LARP1B: variants seen among roughly 807,000 people sequenced by gnomAD.
The protein encoded by LARP1B is La ribonucleoprotein 1B.
Under a neutral mutation model 114.2 loss-of-function variants are expected in LARP1B, and 76 were observed. That is an observed-to-expected ratio of 0.67 (90% CI 0.55 to 0.81). LARP1B has a LOEUF of 0.81. Ranked by LOEUF, LARP1B falls within the 30% of genes least tolerant of loss-of-function variation. LARP1B has a pLI of 0.00. For missense variants in LARP1B, 1,014 were observed against 1,075.8 expected, an observed-to-expected ratio of 0.94 and a Z score of 0.80; for synonymous variants, 345 against 348.0, an observed-to-expected ratio of 0.99 and a Z score of 0.10.
chr4:128,109,095 A>G (rs1005953835), intron 9 of LARP1B, among the ~76,000 whole-genome samples: 6 of 152,196 alleles, frequency 3.9e-5, no homozygotes, highest in Admixed American at 2.0e-4. Flanking sequence ...ACATTAGGTC[A>G]TAGGAATAAA....
chr4:128,118,824 A>T, intron 10 of LARP1B, among the ~76,000 whole-genome samples: 1 of 143,774 alleles, frequency 7.0e-6, no homozygotes, highest in Non-Finnish European at 1.5e-5. Flanking sequence ...TTCTTGTTTG[A>T]TCTAATCTGC....
Position 128,092,007 on chromosome 4 carries a change from A to G in LARP1B, c.668+495A>G, listed in dbSNP as rs114314117. 8.9e-4 allele frequency among the ~76,000 whole-genome samples: 136 copies of G among 152,258 alleles called. 2 individuals are homozygous for G. The highest frequency in any genetic ancestry group is 3.0e-3 in the African/African-American group (126 of 41,578). On this transcript the variant is annotated intron_variant, in intron 7 of 19. Coordinates refer to ENST00000326639, the MANE Select transcript of LARP1B (RefSeq NM_018078.4). Reference sequence around the variant, plus strand: ...TTAAAGTAGGTGTTTTTAAAATTTTATATTTGGTTTATGTTGTTTATATAA... The same window carrying G: ...TTAAAGTAGGTGTTTTTAAAATTTTGTATTTGGTTTATGTTGTTTATATAA...
intron 6 of LARP1B, chr4:128,220,306 A>G (rs1171658279): frequency 1.3e-6 from 1 of 746,872 alleles, no homozygotes; most frequent in Non-Finnish European, 1.6e-6. Flanking sequence ...TCCTTCAACT[A>G]ATTTCTTGGC....
chr4:128,110,534 G>C (rs536658011), intron 9 of LARP1B, among the ~76,000 whole-genome samples: 1 of 149,640 alleles, frequency 6.7e-6, no homozygotes, highest in East Asian at 2.0e-4. Context: ...AAAATTAGCC[G>C]GGCGTAGTGG....
rs74788351 is a variant in LARP1B at position 128,153,979 on chromosome 4, T to G, written c.1525-8215T>G. 8.2e-3 allele frequency among the ~76,000 whole-genome samples: 1,251 copies of G among 152,324 alleles called. 17 individuals are homozygous for G. Among genetic ancestry groups the G allele is most frequent in the Middle Eastern group, 0.041 (12 of 294 alleles). Reference sequence around the variant, plus strand: ...CTAGGTCCTATCAGTCCTTTCATATTCATTCCTACTGCCATGCGTCATCTC... The same window carrying G: ...CTAGGTCCTATCAGTCCTTTCATATGCATTCCTACTGCCATGCGTCATCTC... On this transcript the variant is annotated intron_variant, in intron 11 of 19. Coordinates refer to ENST00000326639, the MANE Select transcript of LARP1B (RefSeq NM_018078.4).
intron 11 of LARP1B, among the ~76,000 whole-genome samples, chr4:128,150,077 G>C (rs2150310523): frequency 6.6e-6 from 1 of 152,260 alleles, no homozygotes; most frequent in South Asian, 2.1e-4. Context: ...CTTGAACCCG[G>C]GAGGCGGAGG....
At chr4:128,169,159 C>T (rs531189818) in intron 12 of LARP1B, among the ~76,000 whole-genome samples, 70 of 151,892 alleles carry the variant, frequency 4.6e-4, no homozygotes, top group African/African-American at 1.4e-3. Flanking sequence ...TTGTCTTGAT[C>T]GATCTAGCTA....
intron 4 of LARP1B, 79 bp from the exon 5 acceptor site, chr4:128,082,086 A>T: frequency 7.7e-7 from 1 of 1,292,346 alleles, no homozygotes; most frequent in Non-Finnish European, 1.1e-6. Context: ...TTATTTGATT[A>T]AAGTTCAGAG....
chr4:128,176,169 A>G (rs1745884820), intron 12 of LARP1B, among the ~76,000 whole-genome samples: 1 of 142,092 alleles, frequency 7.0e-6, no homozygotes, highest in Non-Finnish European at 1.5e-5. Context: ...AAATATATAT[A>G]TTATATATAA....
intron 15 of LARP1B, among the ~76,000 whole-genome samples, chr4:128,192,773 T>G (rs1412481608): frequency 6.6e-6 from 1 of 152,150 alleles, no homozygotes; most frequent in Non-Finnish European, 1.5e-5. Flanking sequence ...ATGTGTAGTA[T>G]AAGCACCTTA....
chr4:128,139,663 C>A (rs1727082191), intron 11 of LARP1B, among the ~76,000 whole-genome samples: 1 of 151,492 alleles, frequency 6.6e-6, no homozygotes, highest in Non-Finnish European at 1.5e-5. Flanking sequence ...GTCACACACA[C>A]ACACACACAA....
At chr4:128,151,727 T>C (rs1435584533) in intron 11 of LARP1B, among the ~76,000 whole-genome samples, 1 of 151,842 alleles carries the variant, frequency 6.6e-6, no homozygotes, top group Non-Finnish European at 1.5e-5. Context: ...CTCAGCCTCC[T>C]GAGTAGCTGG....
chr4:128,155,625 G>C, intron 11 of LARP1B: 1 of 1,298,682 alleles, frequency 7.7e-7, no homozygotes, highest in East Asian at 2.3e-5. Flanking sequence ...TACAACCCCA[G>C]CCAGGAGCCA....
At chr4:128,073,247 C>T (rs938063593) in intron 1 of LARP1B, among the ~76,000 whole-genome samples, 1 of 151,444 alleles carries the variant, frequency 6.6e-6, no homozygotes, top group South Asian at 2.1e-4. Context: ...AACCCTGTCT[C>T]TCCTAAAAAT....
chr4:128,201,367 CCCA>C, intron 17 of LARP1B, among the ~76,000 whole-genome samples: 1 of 152,296 alleles, frequency 6.6e-6, no homozygotes, highest in Admixed American at 6.5e-5. Flanking sequence ...CTCCCATGCT[CCCA>C]CCATTACAGA....
intron 15 of LARP1B, among the ~76,000 whole-genome samples, chr4:128,182,105 C>CACTGCA: frequency 7.0e-6 from 1 of 142,590 alleles, no homozygotes; most frequent in South Asian, 2.3e-4. Flanking sequence ...AGCCACTGCA[C>CACTGCA]CCGGCCTTTT....
In LARP1B at chr4:128,136,090, C is replaced by T. The variant is rs561197249; in HGVS notation, c.1524+13902C>T. ...GGCAGATCACCTGAGGTCAGGAGTT[C>T]GAGACCAGCCTGGCCAACATGGCAA... On this transcript the variant is annotated intron_variant, in intron 11 of 19. Transcript: ENST00000326639. 1.1e-4 allele frequency among the ~76,000 whole-genome samples: 17 copies of T among 151,998 alleles called. No individual in the cohort carries two copies. The South Asian group carries it at 3.1e-3, about 28-fold the overall frequency.
chr4:128,156,358 T>A (rs958747440), intron 11 of LARP1B, among the ~76,000 whole-genome samples: 1 of 152,144 alleles, frequency 6.6e-6, no homozygotes, highest in African/African-American at 2.4e-5. Context: ...TGCTTCACAG[T>A]AGAGCCAGCT....
chr4:128,066,317 C>T (rs1322687281), intron 1 of LARP1B, among the ~76,000 whole-genome samples: 1 of 151,560 alleles, frequency 6.6e-6, no homozygotes, highest in African/African-American at 2.4e-5. Flanking sequence ...GCTGGGACTA[C>T]AGGCGCCTGC....
Sources: gnomAD v4.1 joint callset for allele counts (sites outside exome capture counted in the v4.1 genomes callset) on GRCh38, gnomAD v4.1.1 for gene constraint, MANE v1.5 for transcripts, NCBI Gene and HGNC (gene_info 2026-07-23, HGNC 2026-07-21) for gene names.